Variants in ZFYVE28 observed in about 807,000 individuals in gnomAD.
ZFYVE28 encodes zinc finger FYVE-type containing 28.
Under a neutral mutation model 82.1 loss-of-function variants are expected in ZFYVE28, and 40 were observed. The observed-to-expected ratio is 0.49, with a 90% CI of 0.38 to 0.63. The LOEUF (loss-of-function observed/expected upper bound fraction) is 0.63, where lower values mean the gene tolerates loss of function less well. ZFYVE28 is among the 30% of genes least tolerant of loss of function. The probability of loss-of-function intolerance (pLI) is 0.00; values close to 1 mark genes in which losing one functional copy is unlikely to be tolerated. For synonymous variants in ZFYVE28, 612 were observed against 546.1 expected (o/e 1.12, Z -1.68); for missense variants, 1,321 against 1,242.1 (o/e 1.06, Z -0.96).
intron 7 of ZFYVE28, among the ~76,000 whole-genome samples, chr4:2,315,332 C>A (rs1718048667): frequency 6.6e-6 from 1 of 152,192 alleles, no homozygotes. Flanking sequence ...GTTGCCCAGG[C>A]TAGAAAGCGG....
rs762965049 is a variant in ZFYVE28 at position 2,305,185 on chromosome 4, T to C, written c.1155A>G (p.Pro385=). ...TGCCTGACCGCAGGCGCGGTCTACC[T>C]GGAGAGGCCTCCCCGCCTGGGCTGC... ...AEGSPGGEAS[P]GRPRLRSGSD... The change falls in exon 8 of 13, where the codon CCA becomes CCG. Residue 385 remains proline, a synonymous_variant. Transcript: ENST00000290974. 4 of 1,599,482 alleles carry C rather than the reference T, an allele frequency of 2.5e-6. No individual in the cohort carries two copies. The highest frequency in any genetic ancestry group is 3.4e-5 in the Admixed American group (2 of 59,462).
In ZFYVE28 at chr4:2,339,657, T is replaced by C; in HGVS notation, c.319-2A>G. 1 of 1,591,978 alleles carries C rather than the reference T, an allele frequency of 6.3e-7. No homozygotes were observed. The highest frequency in any genetic ancestry group is 8.5e-7 in the Non-Finnish European group (1 of 1,170,672). On this transcript the variant is annotated splice_acceptor_variant, in intron 3 of 12. Transcript: ENST00000290974. LOFTEE classifies it high-confidence loss of function. This position sits in a 1 kb window ranked among gnomAD's most constrained non-coding sequence, Gnocchi z 5.0. ...GATGATGGAGCCGGCGGCCAGGCAC[T>C]GCGGGAGGGGACACACTCAGGGAGG...
At position 2,409,579 on chromosome 4, in the gene ZFYVE28, G is replaced by A. The variant is rs1275323571; in HGVS notation, c.39+8706C>T. ...GCCCCCACTCCGCTGGCTGCTCGCT[G>A]TCCCTCCGATCCCTGGCTCAGGCAA... On this transcript the variant is annotated intron_variant, in intron 1 of 12. Coordinates refer to ENST00000290974, the MANE Select transcript of ZFYVE28 (RefSeq NM_020972.3). The surrounding 1 kb of genome is among the most constrained non-coding windows in gnomAD (Gnocchi z 4.4). Among the ~76,000 whole-genome samples, 1 of 152,224 alleles carries A rather than the reference G, an allele frequency of 6.6e-6. No homozygotes were observed. Among genetic ancestry groups the A allele is most frequent in the Non-Finnish European group, 1.5e-5 (1 of 68,038 alleles).
At chr4:2,340,053 A>G (rs968376273) in intron 3 of ZFYVE28, among the ~76,000 whole-genome samples, 3 of 152,032 alleles carry the variant, frequency 2.0e-5, no homozygotes, top group African/African-American at 7.2e-5. Context: ...ACAGGGATGA[A>G]GTTCAAGGAG....
At chr4:2,287,582 G>C (rs1166329199) in intron 8 of ZFYVE28, 1 of 152,264 alleles carries the variant, frequency 6.6e-6, no homozygotes, top group African/African-American at 2.4e-5. Flanking sequence ...CTTTCTCTGC[G>C]GTGACTGACG....
chr4:2,374,260 T>C (rs4446388), intron 1 of ZFYVE28, among the ~76,000 whole-genome samples: 101,615 of 152,086 alleles, frequency 0.67, 34,283 homozygotes, highest in East Asian at 0.8. Flanking sequence ...AATAACGTGT[T>C]TTCAACTAGT....
At chr4:2,381,743 A>T (rs1430735221) in intron 1 of ZFYVE28, among the ~76,000 whole-genome samples, 1 of 152,234 alleles carries the variant, frequency 6.6e-6, no homozygotes, top group African/African-American at 2.4e-5. Context: ...CCATTTTCTG[A>T]GGAGAAATTC....
intron 6 of ZFYVE28, chr4:2,325,008 A>G (rs909750599): frequency 2.5e-5 from 4 of 159,546 alleles, no homozygotes; most frequent in African/African-American, 9.6e-5. Context: ...CTGATCAAGA[A>G]TATCTTAGTT....
intron 1 of ZFYVE28, among the ~76,000 whole-genome samples, chr4:2,410,454 C>CTTTTT (rs11358765): frequency 1.7e-5 from 2 of 119,326 alleles, no homozygotes; most frequent in African/African-American, 3.2e-5. Flanking sequence ...TCCTCCCTTT[C>CTTTTT]TTTTTTTTTT....
At chr4:2,389,588 C>T (rs73791709) in intron 1 of ZFYVE28, among the ~76,000 whole-genome samples, 4,970 of 152,278 alleles carry the variant, frequency 0.033, 296 homozygotes, top group African/African-American at 0.11. Context: ...AAAATCTCAC[C>T]TAGAAAAAGG....
chr4:2,270,705 G>A lies in ZFYVE28; in HGVS notation c.*20C>T. ...GGGGGTTCCTGGCCCGGGTGGGTTG[G>A]GGCTGCCCCTGGCACCACGTCACAG... On this transcript the variant is annotated 3_prime_UTR_variant, in exon 13 of 13. Transcript: ENST00000290974. 6.2e-7 allele frequency: 1 copy of A among 1,612,696 alleles called. No homozygotes were observed.
At chr4:2,344,929 C>T (rs1001654729) in intron 2 of ZFYVE28, among the ~76,000 whole-genome samples, 4 of 147,556 alleles carry the variant, frequency 2.7e-5, no homozygotes, top group East Asian at 2.0e-4. Context: ...CAAAACAAAA[C>T]GGCCAGGCGC....
intron 1 of ZFYVE28, among the ~76,000 whole-genome samples, chr4:2,397,331 A>G (rs3135080): frequency 0.52 from 79,245 of 151,794 alleles, 22,575 homozygotes; most frequent in Admixed American, 0.67. Flanking sequence ...ACAAAAAATT[A>G]GCCTTACGTG....
chr4:2,275,164 T>C (rs564754374), intron 8 of ZFYVE28, among the ~76,000 whole-genome samples: 50 of 152,282 alleles, frequency 3.3e-4, no homozygotes, highest in African/African-American at 1.2e-3. Context: ...GTGGATGCCC[T>C]TGGAGGCTGA....
At position 2,304,499 on chromosome 4, in the gene ZFYVE28, G is replaced by A. The variant is rs770434664; in HGVS notation, c.1841C>T (p.Pro614Leu). The change falls in exon 8 of 13, where the codon CCC becomes CTC. Residue 614 changes from proline (P) to leucine (L), a missense_variant. This residue lies in a region of ZFYVE28 where 978 missense variants were observed against 833.7 expected (regional missense o/e 1.17). Coordinates refer to ENST00000290974, the MANE Select transcript of ZFYVE28 (RefSeq NM_020972.3). ...GTTGGAGGCATCTTCTGAGGGTGGG[G>A]GCGCCTCCTCCTGTCTCTCAGGGGC... ...DRAPERQEEA[P>L]PPSEDASNGR... is the part of the protein sequence containing the mutation. 15 of 1,612,662 alleles carry A rather than the reference G, an allele frequency of 9.3e-6. No individual in the cohort carries two copies. Among genetic ancestry groups the A allele is most frequent in the African/African-American group, 2.7e-5 (2 of 74,936 alleles).
intron 2 of ZFYVE28, among the ~76,000 whole-genome samples, 154 bp downstream of exon 2, chr4:2,353,779 T>C (rs3128831): frequency 0.37 from 56,434 of 152,088 alleles, 11,466 homozygotes; most frequent in African/African-American, 0.54. Flanking sequence ...CTGCCCGGGA[T>C]GGTCCCTCTT....
At chr4:2,415,368 G>A (rs2696378) in intron 1 of ZFYVE28, among the ~76,000 whole-genome samples, 24,722 of 151,874 alleles carry the variant, frequency 0.16, 2,191 homozygotes, top group East Asian at 0.34. Flanking sequence ...TGTAATCCCA[G>A]TGCTTCGGGA....
chr4:2,395,717 C>G lies in ZFYVE28; in HGVS notation c.39+22568G>C, dbSNP rs539835755. On this transcript the variant is annotated intron_variant, in intron 1 of 12. Coordinates refer to ENST00000290974, the MANE Select transcript of ZFYVE28 (RefSeq NM_020972.3). ...ACCAAGGTCACCAGGAACGCCAGGC[C>G]AGAAGAGGTGGCCGGACCCAACACG... Among the ~76,000 whole-genome samples, 29 of 152,320 alleles carry G rather than the reference C, an allele frequency of 1.9e-4. No homozygotes were observed. The South Asian group carries it at 5.8e-3, about 30-fold the overall frequency.
At chr4:2,329,300 T>A (rs1720331712) in intron 6 of ZFYVE28, among the ~76,000 whole-genome samples, 1 of 152,204 alleles carries the variant, frequency 6.6e-6, no homozygotes, top group Admixed American at 6.5e-5. Flanking sequence ...TCAGCAACGT[T>A]TTTTAGTTTT....
Sources: gnomAD v4.1 joint callset for allele counts (sites outside exome capture counted in the v4.1 genomes callset) on GRCh38, gnomAD v4.1.1 for gene constraint, gnomAD v4.1.1 regional missense constraint, Gnocchi (gnomAD v3.1) non-coding constraint, MANE v1.5 for transcripts, NCBI Gene and HGNC (gene_info 2026-07-23, HGNC 2026-07-21) for gene names.